The following SHLD2 variants were observed in gnomAD, a reference collection of about 807,000 sequenced individuals.
SHLD2 encodes the protein RINN1-REV7-interacting novel NHEJ regulator 2.
In SHLD2, 30 loss-of-function variants were observed where a neutral mutation model predicts 73.2. The observed-to-expected ratio is 0.41, with a 90% CI of 0.31 to 0.56. The LOEUF is 0.56. SHLD2 is among the 20% of genes least tolerant of loss of function. The pLI, the probability that SHLD2 is intolerant of heterozygous loss-of-function variation, is 0.28. For synonymous variants in SHLD2, 285 were observed against 370.1 expected, an observed-to-expected ratio of 0.77 and a Z score of 2.64; for missense variants, 745 against 1,055.9, an observed-to-expected ratio of 0.71 and a Z score of 4.08.
At chr10:87,104,849 T>C (rs1842502387) in intron 2 of SHLD2, among the ~76,000 whole-genome samples, 1 of 151,912 alleles carries the variant, frequency 6.6e-6, no homozygotes. Flanking sequence ...TCAGTAGAGA[T>C]GAGGTTTCAC....
chr10:87,187,298 C>T, intron 9 of SHLD2, 98 bp downstream of exon 9: 1 of 782,856 alleles, frequency 1.3e-6, no homozygotes, highest in South Asian at 1.5e-5. Flanking sequence ...AAGAGCTTTT[C>T]TGTCCATATG....
At chr10:87,100,132 TTC>T (rs1356123635) in intron 2 of SHLD2, among the ~76,000 whole-genome samples, 3 of 152,238 alleles carry the variant, frequency 2.0e-5, no homozygotes, top group Non-Finnish European at 4.4e-5. Flanking sequence ...TATAAATGTT[TTC>T]TTTCGATACT....
At chr10:87,148,853 A>G (rs1451811832) in intron 2 of SHLD2, among the ~76,000 whole-genome samples, 1 of 149,164 alleles carries the variant, frequency 6.7e-6, no homozygotes, top group African/African-American at 2.5e-5. Context: ...TATGCATTTG[A>G]TTTGCATATA....
intron 2 of SHLD2, among the ~76,000 whole-genome samples, chr10:87,125,626 A>G (rs1311070889): frequency 6.6e-6 from 1 of 152,206 alleles, no homozygotes; most frequent in African/African-American, 2.4e-5. Context: ...CATCCCAGCT[A>G]CTGGGGAGGC....
intron 2 of SHLD2, among the ~76,000 whole-genome samples, chr10:87,107,107 A>AAAAAGAG (rs56386341): frequency 2.0e-5 from 3 of 146,422 alleles, no homozygotes; most frequent in African/African-American, 7.6e-5. Context: ...AAAAAAAAAA[A>AAAAAGAG]AGAGATTTAA....
intron 9 of SHLD2, among the ~76,000 whole-genome samples, chr10:87,189,919 A>C (rs570018797): frequency 2.6e-5 from 4 of 152,358 alleles, no homozygotes; most frequent in African/African-American, 9.6e-5. Flanking sequence ...GATGTACTGC[A>C]GCATAACCAG....
At chr10:87,122,193 A>T (rs1843683692) in intron 2 of SHLD2, among the ~76,000 whole-genome samples, 1 of 150,726 alleles carries the variant, frequency 6.6e-6, no homozygotes, top group Non-Finnish European at 1.5e-5. Flanking sequence ...AAAAAAAAAA[A>T]AGGCTACATT....
chr10:87,094,838 AG>A (rs1357651615), upstream of SHLD2: 4 of 1,235,060 alleles, frequency 3.2e-6, no homozygotes, highest in East Asian at 1.2e-4. The surrounding 1 kb of genome is among the most constrained non-coding windows in gnomAD (Gnocchi z 6.6). Context: ...CCCCGCGACT[AG>A]GGAGGAAGGG....
At chr10:87,144,411 T>G (rs1188082428) in intron 2 of SHLD2, among the ~76,000 whole-genome samples, 1 of 152,174 alleles carries the variant, frequency 6.6e-6, no homozygotes, top group Non-Finnish European at 1.5e-5. Context: ...TTAAAAGTTA[T>G]GCAAAGAGAG....
At chr10:87,174,603 T>C (rs958798503) in intron 6 of SHLD2, among the ~76,000 whole-genome samples, 2 of 149,638 alleles carry the variant, frequency 1.3e-5, no homozygotes, top group African/African-American at 4.9e-5. Context: ...TGAAAGAAAC[T>C]AAGGAGATGA....
At chr10:87,145,857 C>G (rs1301162563) in intron 2 of SHLD2, among the ~76,000 whole-genome samples, 2 of 151,982 alleles carry the variant, frequency 1.3e-5, no homozygotes, top group Non-Finnish European at 2.9e-5. Flanking sequence ...CAAGTTTCAT[C>G]TGGTATCTTA....
intron 2 of SHLD2, among the ~76,000 whole-genome samples, chr10:87,127,895 T>C (rs1296352476): frequency 6.6e-6 from 1 of 152,078 alleles, no homozygotes; most frequent in African/African-American, 2.4e-5. Flanking sequence ...GCTGGAGTTA[T>C]GATGTCGTGC....
chr10:87,180,267 G>A lies in SHLD2; in HGVS notation c.2363G>A (p.Ser788Asn), dbSNP rs1191601522. ...DENRIYKQCF[S>N]CLPFTMKKIY... Reference sequence around the variant, plus strand: ...AACAGGATCTACAAACAATGTTTTAGCTGCTTGCCATTTACTATGAAGAAA... The same window carrying A: ...AACAGGATCTACAAACAATGTTTTAACTGCTTGCCATTTACTATGAAGAAA... Residue 788 changes from serine (S) to asparagine (N), a missense_variant, in exon 8 of 10, where the codon AGC (serine) becomes AAC (asparagine). Transcript: ENST00000298786. The A allele has an allele frequency of 6.2e-7, 1 of 1,612,216 alleles. No homozygotes were observed. Among genetic ancestry groups the A allele is most frequent in the Admixed American group, 1.7e-5 (1 of 59,928 alleles).
chr10:87,107,203 A>G (rs1335950425), intron 2 of SHLD2, among the ~76,000 whole-genome samples: 1 of 152,040 alleles, frequency 6.6e-6, no homozygotes, highest in Admixed American at 6.5e-5. Flanking sequence ...ACCAGAGGTC[A>G]GAAGTTCAGG....
intron 3 of SHLD2, among the ~76,000 whole-genome samples, chr10:87,156,469 C>T (rs934329222): frequency 6.6e-6 from 1 of 151,992 alleles, no homozygotes; most frequent in African/African-American, 2.4e-5. Flanking sequence ...GAAGAGATGC[C>T]AAAAATAAGG....
At chr10:87,150,333 C>T (rs1347302982) in intron 2 of SHLD2, among the ~76,000 whole-genome samples, 2 of 151,746 alleles carry the variant, frequency 1.3e-5, no homozygotes, top group Admixed American at 6.6e-5. Context: ...CAAAGTGCTG[C>T]GATTACAGGC....
intron 2 of SHLD2, among the ~76,000 whole-genome samples, chr10:87,145,162 CG>C (rs1431801963): frequency 2.6e-5 from 4 of 151,944 alleles, no homozygotes; most frequent in Non-Finnish European, 5.9e-5. Flanking sequence ...AGGATGGTCT[CG>C]ATCTCCTGAC....
chr10:87,170,445 C>A, intron 4 of SHLD2, 33 bp from the exon 5 acceptor site: 4 of 1,419,856 alleles, frequency 2.8e-6, no homozygotes, highest in Non-Finnish European at 3.8e-6. Flanking sequence ...ATGTTGCCAT[C>A]TTTTGTCTGT....
chr10:87,134,710 C>A (rs1282784113), intron 2 of SHLD2, among the ~76,000 whole-genome samples: 3 of 152,172 alleles, frequency 2.0e-5, no homozygotes, highest in Non-Finnish European at 2.9e-5. Flanking sequence ...GCTTTCAGTT[C>A]TGGAATGCTG....
Sources: allele counts gnomAD v4.1 joint callset (sites outside exome capture counted in the v4.1 genomes callset), GRCh38; gene constraint gnomAD v4.1.1; non-coding constraint Gnocchi (gnomAD v3.1); transcripts MANE v1.5; gene names NCBI Gene and HGNC (gene_info 2026-07-23, HGNC 2026-07-21).